Variants in PGPEP1L observed in about 807,000 individuals in gnomAD.
PGPEP1L encodes the protein pyroglutamyl-peptidase 1-like protein.
PGPEP1L carries 7 observed loss-of-function variants against 6.0 expected under a neutral mutation model. That is an observed-to-expected ratio of 1.17 (90% CI 0.66 to 2.19). The LOEUF is 2.19. Among genes scored for constraint, PGPEP1L ranks in the 30% most tolerant of loss-of-function variants. The pLI is 0.00. For missense variants in PGPEP1L, 209 were observed against 192.5 expected, an observed-to-expected ratio of 1.09 and a Z score of -0.51; for synonymous variants, 103 against 83.9, an observed-to-expected ratio of 1.23 and a Z score of -1.24.
At chr15:99,006,298 T>C (rs61603380) in intron 1 of PGPEP1L, among the ~76,000 whole-genome samples, 15,465 of 152,238 alleles carry the variant, frequency 0.1, 903 homozygotes, top group African/African-American at 0.14. Flanking sequence ...GCTTGCTAGC[T>C]CTGTGCTCAC....
Position 98,969,724 on chromosome 15 carries a change from G to T in PGPEP1L, c.-18-73C>A, listed in dbSNP as rs554186679. The T allele has an allele frequency of 9.2e-5, 138 of 1,495,508 alleles. 2 individuals carry two copies. The East Asian group carries it at 3.0e-3, about 33-fold the overall frequency. The allele number at this position is 1,495,508 out of a possible 1,614,324, so 92.6% of individuals were successfully genotyped here. On this transcript the variant is annotated intron_variant, in intron 3 of 4. Coordinates refer to ENST00000535714, the MANE Select transcript of PGPEP1L (RefSeq NM_001167902.2). ...CCCTGCTCACCAAATGTGCAGAAGG[G>T]GCCACTCCTTTTGAGAGCCCGGCTC...
At chr15:98,974,222 T>C (rs1486064539) in intron 2 of PGPEP1L, among the ~76,000 whole-genome samples, 1 of 151,608 alleles carries the variant, frequency 6.6e-6, no homozygotes, top group Non-Finnish European at 1.5e-5. Context: ...ACTAAAAGAA[T>C]ACAAAAATTA....
intron 1 of PGPEP1L, among the ~76,000 whole-genome samples, chr15:99,007,014 C>T (rs2018079888): frequency 2.0e-5 from 3 of 152,268 alleles, no homozygotes; most frequent in South Asian, 2.1e-4. Flanking sequence ...AATTGTCCTC[C>T]TGATATAAAG....
intron 2 of PGPEP1L, among the ~76,000 whole-genome samples, chr15:99,005,212 C>T (rs573480533): frequency 2.6e-5 from 4 of 152,326 alleles, no homozygotes; most frequent in African/African-American, 7.2e-5. Flanking sequence ...TTACTTGAAG[C>T]GAATGAGCCA....
chr15:98,971,139 A>C lies in PGPEP1L; in HGVS notation c.-122T>G, dbSNP rs749527767. The C allele has an allele frequency of 6.0e-6, 9 of 1,509,466 alleles. No individual in the cohort carries two copies. The highest frequency in any genetic ancestry group is 7.2e-6 in the Non-Finnish European group (8 of 1,116,562). The allele number at this position is 1,509,466 out of a possible 1,614,324, so 93.5% of individuals were successfully genotyped here. ...CAGCTGCACCACTGTTTCATTCCCC[A>C]GGCCCAGCTTGGAGAGCTCCTGAGG... is the stretch of plus-strand genomic sequence containing the variant. On this transcript the variant is annotated 5_prime_UTR_variant, in exon 3 of 5. Transcript: ENST00000535714.
chr15:99,002,268 T>C (rs1325686232), intron 2 of PGPEP1L, among the ~76,000 whole-genome samples: 1 of 152,168 alleles, frequency 6.6e-6, no homozygotes, highest in East Asian at 1.9e-4. Flanking sequence ...AGTGCTGGGA[T>C]TACAGGTGTG....
chr15:98,971,332 T>C (rs575718083), intron 2 of PGPEP1L, among the ~76,000 whole-genome samples, 174 bp from the exon 3 acceptor site: 6 of 151,980 alleles, frequency 3.9e-5, no homozygotes, highest in African/African-American at 1.4e-4. Flanking sequence ...GAGCCACAGT[T>C]CCTACCAGAG....
chr15:98,991,201 G>A (rs1555472015), intron 2 of PGPEP1L, among the ~76,000 whole-genome samples: 1 of 151,848 alleles, frequency 6.6e-6, no homozygotes, highest in Non-Finnish European at 1.5e-5. Context: ...GAACAAAATA[G>A]ATAATATGCT....
intron 2 of PGPEP1L, among the ~76,000 whole-genome samples, chr15:98,978,384 T>C (rs1444511215): frequency 1.3e-5 from 2 of 152,072 alleles, no homozygotes; most frequent in African/African-American, 4.8e-5. Flanking sequence ...ACCTAATTAA[T>C]GGCATCTCAA....
intron 2 of PGPEP1L, among the ~76,000 whole-genome samples, chr15:99,002,314 AAT>A (rs1206896885): frequency 2.6e-5 from 4 of 152,190 alleles, no homozygotes. Context: ...ATATTTGTAA[AAT>A]AAAATGATTA....
intron 2 of PGPEP1L, among the ~76,000 whole-genome samples, chr15:98,982,700 C>CTTTTTTTTTTTTTTTTTTTTTTTTTT (rs369749842): frequency 7.6e-5 from 4 of 52,458 alleles, no homozygotes; most frequent in Non-Finnish European, 1.3e-4. Context: ...TTATCTGAGG[C>CTTTTTTTTTTTTTTTTTTTTTTTTTT]TTTTTTTTTT....
rs1173873513 is a variant in PGPEP1L at position 98,974,589 on chromosome 15, T to C, written c.-141-3431A>G. Among the ~76,000 whole-genome samples the C allele has an allele frequency of 2.0e-5, 3 of 151,898 alleles. No homozygotes were observed. The East Asian group carries it at 5.8e-4, about 30-fold the overall frequency. ...CTTAATGAGCTGATACCAATTCTAC[T>C]CAACTATTCTAAAAAATTAATGAGG... On this transcript the variant is annotated intron_variant, in intron 2 of 4. Coordinates refer to ENST00000535714, the MANE Select transcript of PGPEP1L (RefSeq NM_001167902.2).
intron 3 of PGPEP1L, among the ~76,000 whole-genome samples, chr15:98,970,555 G>T (rs884636): frequency 0.072 from 10,855 of 149,726 alleles, 674 homozygotes; most frequent in African/African-American, 0.17. Context: ...GGTTTTTTTT[G>T]GGGGGGTGGG....
At chr15:98,986,662 G>A (rs1251666640) in intron 2 of PGPEP1L, among the ~76,000 whole-genome samples, 2 of 152,176 alleles carry the variant, frequency 1.3e-5, no homozygotes, top group Non-Finnish European at 2.9e-5. Context: ...AGGTGGATCT[G>A]GTGACCCCTT....
chr15:98,971,969 T>G (rs2017503759), intron 2 of PGPEP1L, among the ~76,000 whole-genome samples: 1 of 152,248 alleles, frequency 6.6e-6, no homozygotes, highest in Non-Finnish European at 1.5e-5. Flanking sequence ...TCAGTTGTTA[T>G]CATTTAAAAA....
chr15:98,974,233 G>A (rs1325337240), intron 2 of PGPEP1L, among the ~76,000 whole-genome samples: 5 of 152,026 alleles, frequency 3.3e-5, no homozygotes, highest in Non-Finnish European at 5.9e-5. Flanking sequence ...ACAAAAATTA[G>A]CTAGGCCTGC....
rs934975546 is a variant in PGPEP1L at position 98,983,209 on chromosome 15, G to A, written c.-141-12051C>T. On this transcript the variant is annotated intron_variant, in intron 2 of 4. Coordinates refer to ENST00000535714, the MANE Select transcript of PGPEP1L (RefSeq NM_001167902.2). ...GAAACAATTTTCTTTCACTTGGAAA[G>A]GTTTGCAGTTACTTTCCTATCCCTG... Among the ~76,000 whole-genome samples, 3 of 151,252 alleles carry A rather than the reference G, an allele frequency of 2.0e-5. No individual in the cohort carries two copies. In the South Asian group the frequency reaches 6.2e-4, roughly 31 times the overall value.
At chr15:98,980,477 A>C (rs2017642043) in intron 2 of PGPEP1L, among the ~76,000 whole-genome samples, 1 of 152,164 alleles carries the variant, frequency 6.6e-6, no homozygotes. Flanking sequence ...CAAATAAGTA[A>C]GTGGGTCCAG....
At chr15:99,006,862 G>A (rs1372479897) in intron 1 of PGPEP1L, among the ~76,000 whole-genome samples, 1 of 152,102 alleles carries the variant, frequency 6.6e-6, no homozygotes. Context: ...TATATTAAGA[G>A]GAAGAAGACC....
Sources: gnomAD v4.1 joint callset for allele counts (sites outside exome capture counted in the v4.1 genomes callset) on GRCh38, gnomAD v4.1.1 for gene constraint, MANE v1.5 for transcripts, NCBI Gene and HGNC (gene_info 2026-07-23, HGNC 2026-07-21) for gene names.